The following PHTF2 variants were observed in gnomAD, a reference collection of about 807,000 sequenced individuals.
PHTF2 encodes putative homeodomain transcription factor 2.
PHTF2 carries 60 observed loss-of-function variants against 101.2 expected under a neutral mutation model. The observed-to-expected ratio is 0.59, with a 90% CI of 0.48 to 0.73. The LOEUF is 0.73. PHTF2 is among the 30% of genes least tolerant of loss of function. The probability of loss-of-function intolerance (pLI) is 0.00; values close to 1 mark genes in which losing one functional copy is unlikely to be tolerated. For missense variants in PHTF2, 747 were observed against 908.7 expected, an observed-to-expected ratio of 0.82 and a Z score of 2.29; for synonymous variants, 311 against 307.3, an observed-to-expected ratio of 1.01 and a Z score of -0.13.
chr7:77,921,776 C>T (rs1208264457), intron 10 of PHTF2, among the ~76,000 whole-genome samples: 1 of 152,056 alleles, frequency 6.6e-6, no homozygotes, highest in Non-Finnish European at 1.5e-5. Context: ...AACGTATGCT[C>T]TAGAGTCATT....
intron 11 of PHTF2, among the ~76,000 whole-genome samples, chr7:77,926,758 C>T (rs1033686084): frequency 3.3e-5 from 5 of 150,112 alleles, no homozygotes; most frequent in Non-Finnish European, 7.4e-5. Context: ...CCCTTGAGCT[C>T]AGAAGTTAGA....
chr7:77,801,049 C>T (rs1404457917), intron 1 of PHTF2, among the ~76,000 whole-genome samples: 1 of 152,178 alleles, frequency 6.6e-6, no homozygotes. Flanking sequence ...CTATTGTACA[C>T]AGTAACACTT....
chr7:77,916,313 T>A (rs563565634), intron 9 of PHTF2, among the ~76,000 whole-genome samples: 1 of 152,348 alleles, frequency 6.6e-6, no homozygotes, highest in Non-Finnish European at 1.5e-5. Context: ...CAGGAGGAAT[T>A]ATTTAAACAT....
At chr7:77,898,536 T>G (rs1405451335) in intron 5 of PHTF2, among the ~76,000 whole-genome samples, 2 of 152,122 alleles carry the variant, frequency 1.3e-5, no homozygotes, top group Admixed American at 1.3e-4. Context: ...CATCAGCCGC[T>G]TTATAGTGAC....
chr7:77,818,732 A>G (rs1263325278), intron 1 of PHTF2, among the ~76,000 whole-genome samples: 1 of 152,154 alleles, frequency 6.6e-6, no homozygotes, highest in Non-Finnish European at 1.5e-5. Flanking sequence ...AGCTATTCAG[A>G]GGCTTTTGTA....
At chr7:77,844,475 G>A (rs901556138) in intron 2 of PHTF2, among the ~76,000 whole-genome samples, 82 of 152,314 alleles carry the variant, frequency 5.4e-4, no homozygotes, top group African/African-American at 1.9e-3. Context: ...TATTATAAAT[G>A]CGTACAGAAA....
At chr7:77,912,534 C>T (rs893800549) in intron 9 of PHTF2, among the ~76,000 whole-genome samples, 2 of 151,844 alleles carry the variant, frequency 1.3e-5, no homozygotes, top group Non-Finnish European at 2.9e-5. Flanking sequence ...TGGATACTTC[C>T]GTTAAGTTAT....
intron 10 of PHTF2, among the ~76,000 whole-genome samples, chr7:77,921,889 T>G (rs1803500927): frequency 6.6e-6 from 1 of 152,212 alleles, no homozygotes; most frequent in South Asian, 2.1e-4. Context: ...CCTCTTATCC[T>G]GTAAACCATT....
intron 16 of PHTF2, among the ~76,000 whole-genome samples, chr7:77,943,465 T>C (rs530159834): frequency 2.0e-5 from 3 of 151,350 alleles, no homozygotes; most frequent in Admixed American, 6.6e-5. Context: ...TTACTGTGAC[T>C]TAACTGCTGC....
intron 2 of PHTF2, among the ~76,000 whole-genome samples, chr7:77,852,572 T>A (rs1796851865): frequency 6.6e-6 from 1 of 152,226 alleles, no homozygotes; most frequent in African/African-American, 2.4e-5. Flanking sequence ...AGTTGTTAGT[T>A]TTAATACGTT....
chr7:77,799,599 C>A (rs569313080), intron 1 of PHTF2, among the ~76,000 whole-genome samples: 2 of 152,236 alleles, frequency 1.3e-5, no homozygotes, highest in Non-Finnish European at 2.9e-5. Flanking sequence ...CGTGCTCCAT[C>A]AGCATGCTTC....
At position 77,798,973 on chromosome 7, in the gene PHTF2, T is replaced by A. The variant is rs1285256182; in HGVS notation, c.-36+2T>A. The A allele has an allele frequency of 6.6e-6, 1 of 152,530 alleles. No homozygotes were observed. Among genetic ancestry groups the A allele is most frequent in the Non-Finnish European group, 1.5e-5 (1 of 68,074 alleles). 9.4% of individuals were successfully genotyped at this position (152,530 alleles called of 1,614,324 possible). The stretch of plus-strand genomic sequence containing the variant: ...AGCGGCGCGGCGCTCGCTCCTACGG[T>A]AAGAGCGGCATCACCTCCGCGCTCG... On this transcript the variant is annotated splice_donor_variant, in intron 1 of 19. Coordinates refer to ENST00000416283, the Ensembl canonical transcript of PHTF2. LOFTEE classifies it low-confidence loss of function (5UTR_SPLICE).
chr7:77,866,142 C>G (rs936840936), intron 3 of PHTF2, among the ~76,000 whole-genome samples: 7 of 148,790 alleles, frequency 4.7e-5, no homozygotes, highest in Non-Finnish European at 1.0e-4. Flanking sequence ...CAAGATCACA[C>G]CACCACACTC....
intron 3 of PHTF2, among the ~76,000 whole-genome samples, chr7:77,881,750 A>G (rs1328900233): frequency 6.6e-6 from 1 of 152,208 alleles, no homozygotes; most frequent in Non-Finnish European, 1.5e-5. Context: ...TACTTAAGCC[A>G]GAAACTGTCA....
At chr7:77,923,008 A>T in intron 11 of PHTF2, 8 of 1,197,612 alleles carry the variant, frequency 6.7e-6, no homozygotes, top group Non-Finnish European at 8.3e-6. Flanking sequence ...ATCTTTGAAG[A>T]CTCATACATT....
At chr7:77,873,679 G>A (rs1018409375) in intron 3 of PHTF2, among the ~76,000 whole-genome samples, 4 of 152,090 alleles carry the variant, frequency 2.6e-5, no homozygotes, top group Non-Finnish European at 4.4e-5. Context: ...TGCCACTACT[G>A]GGGATGAGGA....
At chr7:77,934,590 A>G (rs1368536436) in intron 12 of PHTF2, among the ~76,000 whole-genome samples, 2 of 152,224 alleles carry the variant, frequency 1.3e-5, no homozygotes, top group Admixed American at 6.5e-5. Context: ...GAAGTTCTAA[A>G]TTTTTGGATC....
At chr7:77,826,679 A>G (rs1403965704) in intron 1 of PHTF2, among the ~76,000 whole-genome samples, 1 of 152,216 alleles carries the variant, frequency 6.6e-6, no homozygotes, top group Non-Finnish European at 1.5e-5. Flanking sequence ...ATCTAACTGC[A>G]AGAAAGGTTA....
intron 1 of PHTF2, among the ~76,000 whole-genome samples, chr7:77,807,024 A>G (rs544134207): frequency 1.3e-5 from 2 of 152,324 alleles, no homozygotes; most frequent in South Asian, 4.1e-4. Flanking sequence ...TTAAACACAC[A>G]TACACACACA....
Sources: gnomAD v4.1 joint callset for allele counts (sites outside exome capture counted in the v4.1 genomes callset) on GRCh38, gnomAD v4.1.1 for gene constraint, MANE v1.5 for transcripts, NCBI Gene and HGNC (gene_info 2026-07-23, HGNC 2026-07-21) for gene names.